Variants in PPP2R3A observed in about 807,000 individuals in gnomAD.
PPP2R3A encodes serine/threonine-protein phosphatase 2A regulatory subunit B'' subunit alpha.
Under a neutral mutation model 106.9 loss-of-function variants are expected in PPP2R3A, and 80 were observed. The ratio of observed to expected loss-of-function variants is 0.75; its 90% CI spans 0.62 to 0.90. The LOEUF (loss-of-function observed/expected upper bound fraction) is 0.90. Ranked by LOEUF, PPP2R3A falls within the 40% of genes least tolerant of loss-of-function variation. The probability of loss-of-function intolerance (pLI) is 0.00; values close to 1 mark genes in which losing one functional copy is unlikely to be tolerated. For missense variants in PPP2R3A, 1,386 were observed against 1,350.4 expected, an observed-to-expected ratio of 1.03 and a Z score of -0.41; for synonymous variants, 483 against 468.3, an observed-to-expected ratio of 1.03 and a Z score of -0.41.
At chr3:136,042,656 T>C (rs1935327523) in intron 4 of PPP2R3A, among the ~76,000 whole-genome samples, 2 of 152,220 alleles carry the variant, frequency 1.3e-5, no homozygotes, top group Admixed American at 1.3e-4. Context: ...AGTACAAGTC[T>C]CCATTTTGGT....
chr3:136,140,773 G>A (rs1333842728), intron 13 of PPP2R3A, among the ~76,000 whole-genome samples: 2 of 151,634 alleles, frequency 1.3e-5, no homozygotes, highest in Non-Finnish European at 2.9e-5. Flanking sequence ...AGCCGGTTGT[G>A]GTGGCACACG....
intron 1 of PPP2R3A, among the ~76,000 whole-genome samples, chr3:135,968,023 T>C (rs556915852): frequency 5.7e-4 from 87 of 152,272 alleles, no homozygotes; most frequent in Non-Finnish European, 4.9e-4. Flanking sequence ...TCACCCTTAG[T>C]TAAGAACCAC....
chr3:135,970,774 A>G (rs1362749671), intron 1 of PPP2R3A, among the ~76,000 whole-genome samples: 2 of 152,174 alleles, frequency 1.3e-5, no homozygotes, highest in Admixed American at 1.3e-4. Context: ...TGGTTACTCA[A>G]ACATTTCTCC....
intron 12 of PPP2R3A, among the ~76,000 whole-genome samples, 166 bp downstream of exon 12, chr3:136,103,542 C>T (rs551667211): frequency 6.6e-6 from 1 of 152,278 alleles, no homozygotes; most frequent in East Asian, 1.9e-4. Context: ...GAGCACATGT[C>T]TCTCCACAGC....
At chr3:135,980,527 CA>C (rs1312851452) in intron 1 of PPP2R3A, among the ~76,000 whole-genome samples, 2 of 151,400 alleles carry the variant, frequency 1.3e-5, no homozygotes, top group African/African-American at 4.9e-5. Flanking sequence ...TTGCACTGGG[CA>C]GCTTTATTGC....
In PPP2R3A at chr3:136,147,318, T is replaced by G. The variant is rs1939176246; in HGVS notation, c.*2152T>G. 1 of 152,632 alleles carries G rather than the reference T, an allele frequency of 6.6e-6. No individual in the cohort carries two copies. The highest frequency in any genetic ancestry group is 1.5e-5 in the Non-Finnish European group (1 of 68,096). The allele number at this position is 152,632 out of a possible 1,614,324, so 9.5% of individuals were successfully genotyped here. On this transcript the variant is annotated 3_prime_UTR_variant, in exon 14 of 14. Coordinates refer to ENST00000264977, the MANE Select transcript of PPP2R3A (RefSeq NM_002718.5). ...CTTCGAGGCTGCAGTGAGCTATGATTACGACACTGCACTCCAGCCTAGGCG... is the reference window on the plus strand; with the variant it reads ...CTTCGAGGCTGCAGTGAGCTATGATGACGACACTGCACTCCAGCCTAGGCG...
chr3:136,122,003 C>A (rs187413759), intron 13 of PPP2R3A, among the ~76,000 whole-genome samples: 190 of 152,138 alleles, frequency 1.2e-3, no homozygotes, highest in Non-Finnish European at 2.3e-3. Context: ...AAAAGGAAAT[C>A]TTTTGCTTAA....
At chr3:136,108,413 G>A (rs1179062457) in intron 13 of PPP2R3A, among the ~76,000 whole-genome samples, 1 of 152,138 alleles carries the variant, frequency 6.6e-6, no homozygotes, top group African/African-American at 2.4e-5. Context: ...GAAAGATCAA[G>A]TAAAATGTAA....
intron 1 of PPP2R3A, among the ~76,000 whole-genome samples, chr3:135,966,612 C>T (rs910812895): frequency 6.6e-5 from 10 of 152,052 alleles, no homozygotes; most frequent in East Asian, 1.9e-4. Flanking sequence ...CCCGTTATTC[C>T]CAGTCCTCCC....
At chr3:135,978,482 A>ATT (rs368778585) in intron 1 of PPP2R3A, among the ~76,000 whole-genome samples, 53 of 147,390 alleles carry the variant, frequency 3.6e-4, no homozygotes, top group South Asian at 2.8e-3. Context: ...GGACAACTGG[A>ATT]TTTTTTTTTT....
At chr3:136,026,747 TG>T in intron 2 of PPP2R3A, 84 bp from the exon 3 acceptor site, 1 of 1,282,774 alleles carries the variant, frequency 7.8e-7, no homozygotes, top group Non-Finnish European at 1.1e-6. Flanking sequence ...TCTCTGATTG[TG>T]GTTTCTTATA....
Position 136,146,716 on chromosome 3 carries a change from AAAT to A in PPP2R3A, c.*1554_*1556del, listed in dbSNP as rs1346406587. On this transcript the variant is annotated 3_prime_UTR_variant, in exon 14 of 14. Coordinates refer to ENST00000264977, the MANE Select transcript of PPP2R3A (RefSeq NM_002718.5). ...TCACACAAAAGAATTAAAAGCTTAAAAATAATTTTTAGGAAACACAATATTCAA... is the reference window on the plus strand; with the variant it reads ...TCACACAAAAGAATTAAAAGCTTAAAAATTTTTAGGAAACACAATATTCAA... 2 of 152,208 alleles carry A rather than the reference AAAT, an allele frequency of 1.3e-5. No homozygotes were observed. The highest frequency in any genetic ancestry group is 4.8e-5 in the African/African-American group (2 of 41,452). 9.4% of individuals were successfully genotyped at this position (152,208 alleles called of 1,614,324 possible). A position where few individuals can be genotyped will look rare whatever the true frequency, so the allele number is the denominator to read the frequency against.
intron 7 of PPP2R3A, among the ~76,000 whole-genome samples, chr3:136,080,737 G>A (rs1042578986): frequency 2.0e-5 from 3 of 152,062 alleles, no homozygotes; most frequent in African/African-American, 7.2e-5. Context: ...ATTTTATGTA[G>A]TTCTTAGTGG....
At chr3:136,011,741 C>G (rs1029535165) in intron 2 of PPP2R3A, among the ~76,000 whole-genome samples, 3 of 152,112 alleles carry the variant, frequency 2.0e-5, no homozygotes, top group Non-Finnish European at 4.4e-5. Flanking sequence ...GCCAGCAAAC[C>G]GTAACTAGTC....
At chr3:136,120,514 G>C (rs1220931181) in intron 13 of PPP2R3A, among the ~76,000 whole-genome samples, 1 of 152,092 alleles carries the variant, frequency 6.6e-6, no homozygotes, top group African/African-American at 2.4e-5. Context: ...CTTGAGCTTG[G>C]GAGGCGGAGG....
chr3:136,106,926 C>CAAAAAAAAAAAA (rs36029618), intron 13 of PPP2R3A: 3 of 41,740 alleles, frequency 7.2e-5, no homozygotes, highest in African/African-American at 1.9e-4. Context: ...ACTCCGTCTC[C>CAAAAAAAAAAAA]AAAAAAAAAA....
chr3:136,139,244 C>T (rs993366329), intron 13 of PPP2R3A, among the ~76,000 whole-genome samples: 1 of 152,120 alleles, frequency 6.6e-6, no homozygotes, highest in African/African-American at 2.4e-5. Context: ...TATTTCCATC[C>T]CAGGAATCTG....
In PPP2R3A at chr3:136,038,625, G is replaced by A. The variant is rs145942523; in HGVS notation, c.2263-2234G>A. Reference sequence around the variant, plus strand: ...TTGGTAAGCCAGTTCCAGCGTCTCCGCACACCGTCTGTTTGTGGCTCCATT... The same window carrying A: ...TTGGTAAGCCAGTTCCAGCGTCTCCACACACCGTCTGTTTGTGGCTCCATT... On this transcript the variant is annotated intron_variant, in intron 3 of 13. Transcript: ENST00000264977. Among the ~76,000 whole-genome samples, 345 of 152,228 alleles carry A rather than the reference G, an allele frequency of 2.3e-3. 1 individual carries two copies. The highest frequency in any genetic ancestry group is 7.8e-3 in the African/African-American group (323 of 41,524).
At chr3:136,036,292 A>G (rs1002342520) in intron 3 of PPP2R3A, among the ~76,000 whole-genome samples, 1 of 152,104 alleles carries the variant, frequency 6.6e-6, no homozygotes, top group Non-Finnish European at 1.5e-5. Context: ...ATTAAAGAAC[A>G]TTGTTTTGTC....
Sources: gnomAD v4.1 joint callset for allele counts (sites outside exome capture counted in the v4.1 genomes callset) on GRCh38, gnomAD v4.1.1 for gene constraint, MANE v1.5 for transcripts, NCBI Gene and HGNC (gene_info 2026-07-23, HGNC 2026-07-21) for gene names.